The following CDH18 variants were observed in gnomAD, a reference collection of about 807,000 sequenced individuals.
CDH18 encodes the protein cadherin 18.
CDH18 carries 31 observed loss-of-function variants against 67.9 expected under a neutral mutation model. The ratio of observed to expected loss-of-function variants is 0.46; its 90% CI spans 0.34 to 0.62. The LOEUF (loss-of-function observed/expected upper bound fraction) is 0.62. CDH18 is among the 20% of genes least tolerant of loss of function. The pLI, the probability that CDH18 is intolerant of heterozygous loss-of-function variation, is 0.01. For missense variants in CDH18, 890 were observed against 975.5 expected, an observed-to-expected ratio of 0.91 and a Z score of 1.17; for synonymous variants, 362 against 347.2, an observed-to-expected ratio of 1.04 and a Z score of -0.48.
In CDH18 at chr5:19,482,179, G is replaced by A. The variant is rs559263241; in HGVS notation, c.1882+1122C>T. On this transcript the variant is annotated intron_variant, in intron 12 of 12. Coordinates refer to ENST00000382275, the MANE Select transcript of CDH18 (RefSeq NM_004934.5). ...TGCCCAGGCTGGAGTGCAGTGGCGC[G>A]ATCTCAGCTCACTGCCAGCTCCGCC... Among the ~76,000 whole-genome samples the A allele has an allele frequency of 2.0e-5, 3 of 151,758 alleles. No homozygotes were observed. In the East Asian group the frequency reaches 5.8e-4, roughly 29 times the overall value.
At chr5:20,351,191 T>TGTGTGTGC (rs1420969028) in intron 1 of CDH18, among the ~76,000 whole-genome samples, 2,890 of 148,722 alleles carry the variant, frequency 0.019, 84 homozygotes, top group East Asian at 0.12. Context: ...TGTGTGTGTG[T>TGTGTGTGC]GCGTGTGTGT....
chr5:20,068,075 T>G (rs1347038565), intron 2 of CDH18, among the ~76,000 whole-genome samples: 1 of 152,112 alleles, frequency 6.6e-6, no homozygotes, highest in East Asian at 1.9e-4. Context: ...ACTTTCAACG[T>G]GGACTCTACA....
Position 19,472,316 on chromosome 5 carries a change from T to C in CDH18, c.*910A>G, listed in dbSNP as rs888611853. Among the ~76,000 whole-genome samples the C allele has an allele frequency of 6.6e-6, 1 of 151,742 alleles. No individual in the cohort carries two copies. Among genetic ancestry groups the C allele is most frequent in the South Asian group, 2.1e-4 (1 of 4,822 alleles). On this transcript the variant is annotated 3_prime_UTR_variant, in exon 13 of 13. Coordinates refer to ENST00000382275, the MANE Select transcript of CDH18 (RefSeq NM_004934.5). ...AAAATATTTGACAATTAATTTTAAATAGAGAAATGACCAAAATTGCTGATT... is the reference window on the plus strand; with the variant it reads ...AAAATATTTGACAATTAATTTTAAACAGAGAAATGACCAAAATTGCTGATT...
intron 5 of CDH18, among the ~76,000 whole-genome samples, chr5:19,645,846 G>A (rs989150518): frequency 1.3e-5 from 2 of 152,074 alleles, no homozygotes; most frequent in Admixed American, 6.6e-5. Context: ...AAAGTAGCAG[G>A]TATACAGATA....
Position 19,584,591 on chromosome 5 carries a change from CA to C in CDH18, c.999+6465del, listed in dbSNP as rs547504563. Among the ~76,000 whole-genome samples, 44 of 151,638 alleles carry C rather than the reference CA, an allele frequency of 2.9e-4. No individual in the cohort carries two copies. The East Asian group carries it at 7.2e-3, about 25-fold the overall frequency. Reference sequence around the variant, plus strand: ...GATTGATAATCCTAATCAGAAGTATCAAAAAATTACGTGAATGCAACATGTA... The same window carrying C: ...GATTGATAATCCTAATCAGAAGTATCAAAAATTACGTGAATGCAACATGTA... On this transcript the variant is annotated intron_variant, in intron 7 of 12. Transcript: ENST00000382275.
intron 2 of CDH18, among the ~76,000 whole-genome samples, chr5:20,118,436 T>C (rs1017012243): frequency 3.3e-5 from 5 of 152,182 alleles, no homozygotes; most frequent in African/African-American, 7.2e-5. Flanking sequence ...TTAAAGCAGA[T>C]GTTAGTAAAT....
chr5:19,970,547 T>G (rs1042048859), intron 2 of CDH18, among the ~76,000 whole-genome samples: 10 of 151,496 alleles, frequency 6.6e-5, no homozygotes, highest in Non-Finnish European at 1.3e-4. Flanking sequence ...AATCATTATC[T>G]TAAGGTTTTG....
chr5:19,958,961 T>G (rs946155240), intron 2 of CDH18, among the ~76,000 whole-genome samples: 3 of 152,110 alleles, frequency 2.0e-5, no homozygotes, highest in African/African-American at 7.2e-5. Context: ...TTCTGCACCA[T>G]TAAATAATTT....
chr5:19,789,410 G>A lies in CDH18; in HGVS notation c.229-42174C>T, dbSNP rs564328017. 2.5e-4 allele frequency among the ~76,000 whole-genome samples: 38 copies of A among 152,270 alleles called. No homozygotes were observed. The South Asian group carries it at 7.2e-3, about 29-fold the overall frequency. On this transcript the variant is annotated intron_variant, in intron 3 of 12. Coordinates refer to ENST00000382275, the MANE Select transcript of CDH18 (RefSeq NM_004934.5). ...AACAAATGTTAGACTAGAAGTGACT[G>A]TTAATAATTTATAACTGAAGTAATA...
intron 1 of CDH18, among the ~76,000 whole-genome samples, chr5:20,441,367 G>T (rs932932097): frequency 6.6e-6 from 1 of 151,730 alleles, no homozygotes; most frequent in Non-Finnish European, 1.5e-5. Flanking sequence ...ATAATTGCAC[G>T]TGTGGGTATT....
Position 20,447,712 on chromosome 5 carries a change from G to C in CDH18, c.-580+127750C>G, listed in dbSNP as rs112469126. Among the ~76,000 whole-genome samples the C allele has an allele frequency of 1.8e-3, 273 of 152,074 alleles. 3 individuals are homozygous for C. Among genetic ancestry groups the C allele is most frequent in the African/African-American group, 6.1e-3 (254 of 41,494 alleles). ...TTTGTGTGTGTCAAGTTCAATTTCT[G>C]TCAACATACATGAGTTTACTTCTAT... is the stretch of plus-strand genomic sequence containing the variant. On this transcript the variant is annotated intron_variant, in intron 1 of 14. Coordinates refer to the CDH18 transcript ENST00000507958.
chr5:19,957,651 A>G (rs1430921068), intron 2 of CDH18, among the ~76,000 whole-genome samples: 1 of 151,960 alleles, frequency 6.6e-6, no homozygotes, highest in Non-Finnish European at 1.5e-5. Flanking sequence ...CCAATAATCT[A>G]GTATTTGGTT....
At chr5:19,815,728 AC>A (rs1479282212) in intron 3 of CDH18, among the ~76,000 whole-genome samples, 1 of 151,930 alleles carries the variant, frequency 6.6e-6, no homozygotes, top group Non-Finnish European at 1.5e-5. Flanking sequence ...AATCCTATGA[AC>A]ACGAAGAGGC....
intron 1 of CDH18, among the ~76,000 whole-genome samples, chr5:20,356,449 T>C (rs531344729): frequency 6.6e-6 from 1 of 152,072 alleles, no homozygotes; most frequent in South Asian, 2.1e-4. Flanking sequence ...CAAATGCACA[T>C]GGAAGAAAAA....
intron 2 of CDH18, among the ~76,000 whole-genome samples, chr5:20,139,753 C>T (rs1474951867): frequency 6.6e-6 from 1 of 152,102 alleles, no homozygotes; most frequent in Non-Finnish European, 1.5e-5. Context: ...AAATGCAAAT[C>T]AAAACCACAA....
At chr5:19,632,168 C>A (rs932098165) in intron 5 of CDH18, among the ~76,000 whole-genome samples, 2 of 152,120 alleles carry the variant, frequency 1.3e-5, no homozygotes, top group South Asian at 2.1e-4. Context: ...AGAGTACTTT[C>A]TGTTTTTTAA....
intron 1 of CDH18, chr5:20,305,514 CGCAGCGGCGCAGGGGTCTCGA>C (rs1379574933): frequency 1.7e-5 from 16 of 958,924 alleles, no homozygotes; most frequent in Non-Finnish European, 2.5e-5. Context: ...AAACCCGGGG[CGCAGCGGCGCAGGGGTCTCGA>C]GCGGCTGGTG....
At chr5:20,274,858 G>T (rs1156277254) in intron 1 of CDH18, among the ~76,000 whole-genome samples, 1 of 151,772 alleles carries the variant, frequency 6.6e-6, no homozygotes, top group African/African-American at 2.4e-5. Flanking sequence ...TCAAATGATG[G>T]GTGAAAATTT....
At chr5:20,179,430 A>C (rs1189363972) in intron 2 of CDH18, among the ~76,000 whole-genome samples, 1 of 152,172 alleles carries the variant, frequency 6.6e-6, no homozygotes, top group Non-Finnish European at 1.5e-5. Flanking sequence ...TATTAAGTAA[A>C]CTGCGAAGTA....
Sources: gnomAD v4.1 joint callset for allele counts (sites outside exome capture counted in the v4.1 genomes callset) on GRCh38, gnomAD v4.1.1 for gene constraint, MANE v1.5 for transcripts, NCBI Gene and HGNC (gene_info 2026-07-23, HGNC 2026-07-21) for gene names.